Variants in RAD51B observed in about 807,000 individuals in gnomAD.
The protein encoded by RAD51B is RAD51 paralog B.
Under a neutral mutation model 42.2 loss-of-function variants are expected in RAD51B, and 38 were observed. The observed-to-expected ratio is 0.90, with a 90% CI of 0.70 to 1.18. The LOEUF (loss-of-function observed/expected upper bound fraction) is 1.18, where lower values mean the gene tolerates loss of function less well. Ranked by LOEUF, RAD51B falls within the 50% of genes most tolerant of loss-of-function variation. The pLI, the probability that RAD51B is intolerant of heterozygous loss-of-function variation, is 0.00. For synonymous variants in RAD51B, 154 were observed against 145.2 expected, an observed-to-expected ratio of 1.06 and a Z score of -0.43; for missense variants, 373 against 400.7, an observed-to-expected ratio of 0.93 and a Z score of 0.59.
At chr14:67,827,362 T>C (rs1014582906) in intron 3 of RAD51B, among the ~76,000 whole-genome samples, 2 of 152,228 alleles carry the variant, frequency 1.3e-5, no homozygotes, top group African/African-American at 4.8e-5. Flanking sequence ...GCCATCTTAA[T>C]ACAATTCCAA....
chr14:68,317,304 A>AACATCTCGTC (rs11282617), intron 8 of RAD51B, among the ~76,000 whole-genome samples: 1 of 151,600 alleles, frequency 6.6e-6, no homozygotes, highest in Admixed American at 6.6e-5. Flanking sequence ...GTTCACTTTG[A>AACATCTCGTC]ACATATTTAT....
At chr14:68,681,164 A>T (rs561521721) in intron 11 of RAD51B, among the ~76,000 whole-genome samples, 4 of 152,178 alleles carry the variant, frequency 2.6e-5, no homozygotes, top group African/African-American at 9.7e-5. Flanking sequence ...GGTGGGCCTC[A>T]GTTTACCTTC....
intron 8 of RAD51B, among the ~76,000 whole-genome samples, chr14:68,315,728 T>C: frequency 6.6e-6 from 1 of 152,160 alleles, no homozygotes; most frequent in Non-Finnish European, 1.5e-5. Context: ...TTCACCATGT[T>C]AGCCAGGATA....
intron 7 of RAD51B, among the ~76,000 whole-genome samples, chr14:68,289,864 C>G (rs1005856777): frequency 6.6e-6 from 1 of 152,056 alleles, no homozygotes; most frequent in Admixed American, 6.6e-5. Context: ...AGTAGCAATA[C>G]GAAAGAATAT....
At chr14:67,834,963 T>G in intron 3 of RAD51B, 117 bp from the exon 4 acceptor site, 1 of 703,132 alleles carries the variant, frequency 1.4e-6, no homozygotes, top group Non-Finnish European at 2.4e-6. Flanking sequence ...AAATAAATAA[T>G]AGAAGGGAAA....
intron 7 of RAD51B, among the ~76,000 whole-genome samples, chr14:68,185,840 C>T (rs931291355): frequency 4.6e-5 from 7 of 152,156 alleles, no homozygotes. Context: ...TGAAGTTCAC[C>T]TCCTGTTGTG....
intron 10 of RAD51B, chr14:68,540,986 T>C (rs1887933596): frequency 1.0e-6 from 1 of 985,466 alleles, no homozygotes; most frequent in African/African-American, 1.7e-5. Context: ...AAAAAGTGGT[T>C]GTTATTGCTA....
intron 7 of RAD51B, among the ~76,000 whole-genome samples, chr14:68,245,780 G>A (rs780287598): frequency 6.6e-6 from 1 of 152,212 alleles, no homozygotes; most frequent in Non-Finnish European, 1.5e-5. Flanking sequence ...TGGTATTAAA[G>A]TCGGAGCAAT....
At chr14:68,327,225 A>AC (rs2082266701) in intron 8 of RAD51B, among the ~76,000 whole-genome samples, 2 of 152,054 alleles carry the variant, frequency 1.3e-5, no homozygotes, top group African/African-American at 4.8e-5. Context: ...ATAGTTCTTA[A>AC]ACTATCAATC....
At chr14:68,095,464 GA>G (rs367944445) in intron 7 of RAD51B, among the ~76,000 whole-genome samples, 49 of 150,772 alleles carry the variant, frequency 3.2e-4, no homozygotes, top group African/African-American at 1.0e-3. Context: ...TTATGGGTAT[GA>G]AAAAAAAAGA....
Position 68,435,239 on chromosome 14 carries a change from C to T in RAD51B, c.957+23712C>T, listed in dbSNP as rs1480867008. Among the ~76,000 whole-genome samples, 3 of 152,058 alleles carry T rather than the reference C, an allele frequency of 2.0e-5. No homozygotes were observed. In the East Asian group the frequency reaches 5.8e-4, roughly 29 times the overall value. On this transcript the variant is annotated intron_variant, in intron 9 of 10. Transcript: ENST00000471583. ...TTCTCATCTTTATGTCCATGGGTAC[C>T]CTGTACTTAGCTCCCACTTATAAGT... is the stretch of plus-strand genomic sequence containing the variant.
intron 7 of RAD51B, among the ~76,000 whole-genome samples, chr14:67,955,565 C>G (rs1419780035): frequency 2.0e-5 from 3 of 148,372 alleles, no homozygotes; most frequent in Non-Finnish European, 3.0e-5. Context: ...AAATTACATG[C>G]CTAATGTGTA....
chr14:68,254,860 A>G (rs1478187854), intron 7 of RAD51B, among the ~76,000 whole-genome samples: 1 of 152,220 alleles, frequency 6.6e-6, no homozygotes, highest in Admixed American at 6.5e-5. Flanking sequence ...TGGGCCTTGT[A>G]AATTACCCAC....
chr14:68,087,878 A>G (rs1172690720), intron 7 of RAD51B, among the ~76,000 whole-genome samples: 1 of 82,506 alleles, frequency 1.2e-5, no homozygotes, highest in East Asian at 2.5e-4. Context: ...TATATTATTT[A>G]TATAATTATA....
At chr14:68,132,305 T>C (rs542753650) in intron 7 of RAD51B, among the ~76,000 whole-genome samples, 180 of 152,306 alleles carry the variant, frequency 1.2e-3, no homozygotes, top group African/African-American at 4.1e-3. Flanking sequence ...ATATATGCTG[T>C]ACAGACAAAA....
chr14:67,999,635 A>G (rs2075444676), intron 7 of RAD51B, among the ~76,000 whole-genome samples: 1 of 152,240 alleles, frequency 6.6e-6, no homozygotes, highest in African/African-American at 2.4e-5. Context: ...CAGAATGGAG[A>G]TAATAGTACG....
intron 10 of RAD51B, among the ~76,000 whole-genome samples, chr14:68,650,000 C>G (rs758952857): frequency 5.5e-4 from 83 of 152,208 alleles, no homozygotes; most frequent in Non-Finnish European, 9.4e-4. Context: ...TGAGAGCCAC[C>G]TCTTGGCCCA....
intron 10 of RAD51B, among the ~76,000 whole-genome samples, chr14:68,495,881 C>G (rs976661783): frequency 6.6e-6 from 1 of 152,214 alleles, no homozygotes; most frequent in Admixed American, 6.5e-5. Flanking sequence ...TGCCTCCTTT[C>G]AAGCAAAGAT....
chr14:67,826,073 A>G (rs1036392156), intron 3 of RAD51B, among the ~76,000 whole-genome samples: 1 of 152,100 alleles, frequency 6.6e-6, no homozygotes, highest in African/African-American at 2.4e-5. Flanking sequence ...ATGGGAGACA[A>G]TTTCTAAATA....
Sources: allele counts gnomAD v4.1 joint callset (sites outside exome capture counted in the v4.1 genomes callset), GRCh38; gene constraint gnomAD v4.1.1; transcripts MANE v1.5; gene names NCBI Gene and HGNC (gene_info 2026-07-23, HGNC 2026-07-21).